Variants in DCC observed in about 807,000 individuals in gnomAD.
DCC encodes DCC netrin 1 receptor.
In DCC, 58 loss-of-function variants were observed where a neutral mutation model predicts 172.5. The observed-to-expected ratio is 0.34, with a 90% CI of 0.27 to 0.42. DCC has a LOEUF of 0.42. Among genes scored for constraint, DCC ranks in the 10% least tolerant of loss-of-function variants. The pLI, the probability that DCC is intolerant of heterozygous loss-of-function variation, is 1.00. For missense variants in DCC, 1,740 were observed against 1,791.0 expected (o/e 0.97, Z 0.51); for synonymous variants, 709 against 644.5 (o/e 1.10, Z -1.52).
chr18:52,971,136 A>T (rs766499774), intron 5 of DCC, among the ~76,000 whole-genome samples: 1 of 152,160 alleles, frequency 6.6e-6, no homozygotes. Flanking sequence ...AGGGGCAGAA[A>T]AAAAACACAG....
At chr18:52,566,202 C>T (rs2144749364) in intron 1 of DCC, among the ~76,000 whole-genome samples, 1 of 152,150 alleles carries the variant, frequency 6.6e-6, no homozygotes, top group South Asian at 2.1e-4. Flanking sequence ...AAGATGAGTC[C>T]ATGTCCTTTG....
chr18:53,026,108 C>G (rs1436836253), intron 5 of DCC, among the ~76,000 whole-genome samples: 1 of 151,900 alleles, frequency 6.6e-6, no homozygotes, highest in East Asian at 1.9e-4. Flanking sequence ...CATTTAAAAA[C>G]TGAAGTCCTC....
At chr18:53,349,669 A>G (rs1190879048) in intron 15 of DCC, among the ~76,000 whole-genome samples, 3 of 152,156 alleles carry the variant, frequency 2.0e-5, no homozygotes, top group Non-Finnish European at 4.4e-5. Context: ...GCAAATCACA[A>G]CCTACATGAC....
At chr18:52,497,427 A>ATATGTGTATATATG (rs1201756346) in intron 1 of DCC, among the ~76,000 whole-genome samples, 19 of 148,154 alleles carry the variant, frequency 1.3e-4, no homozygotes, top group South Asian at 2.2e-4. Context: ...ACACATATAC[A>ATATGTGTATATATG]CATACATATA....
At chr18:52,706,362 T>C (rs1301279590) in intron 1 of DCC, among the ~76,000 whole-genome samples, 1 of 152,200 alleles carries the variant, frequency 6.6e-6, no homozygotes, top group African/African-American at 2.4e-5. Context: ...AGACCAAGGC[T>C]TGAAAATGGT....
chr18:52,425,606 T>TA, intron 1 of DCC, among the ~76,000 whole-genome samples: 1 of 152,274 alleles, frequency 6.6e-6, no homozygotes, highest in South Asian at 2.1e-4. Flanking sequence ...CCAATATCTG[T>TA]AAAAATGCTT....
chr18:52,395,424 G>C (rs1031233709), intron 1 of DCC, among the ~76,000 whole-genome samples: 3 of 151,940 alleles, frequency 2.0e-5, no homozygotes, highest in Non-Finnish European at 4.4e-5. Context: ...GTAGTTTAGT[G>C]GGCTGTGGGC....
intron 23 of DCC, among the ~76,000 whole-genome samples, chr18:53,454,282 C>T (rs921759239): frequency 5.3e-5 from 8 of 152,172 alleles, no homozygotes; most frequent in African/African-American, 1.9e-4. Context: ...GATGTGGAAG[C>T]TGCAGTGAGC....
chr18:52,875,519 G>A (rs559522401), intron 2 of DCC, among the ~76,000 whole-genome samples: 2 of 152,252 alleles, frequency 1.3e-5, no homozygotes, highest in East Asian at 1.9e-4. Context: ...TACGTAGAAT[G>A]GTGGTCTCAA....
chr18:52,986,006 T>C (rs2041287253), intron 5 of DCC, among the ~76,000 whole-genome samples: 1 of 152,174 alleles, frequency 6.6e-6, no homozygotes. Flanking sequence ...CTTAGTTCCT[T>C]TGGCCTTTGT....
At chr18:53,292,521 C>T (rs4643406) in intron 12 of DCC, among the ~76,000 whole-genome samples, 64,536 of 151,870 alleles carry the variant, frequency 0.42, 14,494 homozygotes, top group Non-Finnish European at 0.52. Flanking sequence ...ACCCTGTCTC[C>T]ACTAAACATA....
At chr18:52,673,616 G>T (rs1409165245) in intron 1 of DCC, among the ~76,000 whole-genome samples, 1 of 152,100 alleles carries the variant, frequency 6.6e-6, no homozygotes, top group African/African-American at 2.4e-5. Flanking sequence ...TCTTGGAAAT[G>T]AGCCACTAGG....
At chr18:52,873,851 G>C (rs2039360345) in intron 2 of DCC, among the ~76,000 whole-genome samples, 1 of 152,202 alleles carries the variant, frequency 6.6e-6, no homozygotes, top group African/African-American at 2.4e-5. Context: ...CGGCTAATGA[G>C]TGATTGTCCC....
intron 2 of DCC, among the ~76,000 whole-genome samples, chr18:52,824,597 TAGA>T (rs1032085032): frequency 2.0e-5 from 3 of 152,124 alleles, no homozygotes; most frequent in South Asian, 2.1e-4. Flanking sequence ...GAAGAAAAAC[TAGA>T]AGGTTAGTCT....
At chr18:53,251,791 C>T (rs1438946169) in intron 12 of DCC, among the ~76,000 whole-genome samples, 1 of 151,778 alleles carries the variant, frequency 6.6e-6, no homozygotes, top group African/African-American at 2.4e-5. Context: ...GATGAAGCAC[C>T]ATATCCCACC....
At chr18:52,646,481 C>A (rs1462647145) in intron 1 of DCC, among the ~76,000 whole-genome samples, 1 of 152,150 alleles carries the variant, frequency 6.6e-6, no homozygotes, top group Non-Finnish European at 1.5e-5. Context: ...TTTGGTCCCA[C>A]AAGACTGCCT....
intron 2 of DCC, among the ~76,000 whole-genome samples, chr18:52,811,147 C>G (rs1048540007): frequency 6.6e-6 from 1 of 152,170 alleles, no homozygotes; most frequent in Non-Finnish European, 1.5e-5. Flanking sequence ...AACAAAATGA[C>G]CCCTTCACCA....
At chr18:52,522,829 A>G (rs2031862205) in intron 1 of DCC, among the ~76,000 whole-genome samples, 1 of 152,324 alleles carries the variant, frequency 6.6e-6, no homozygotes, top group African/African-American at 2.4e-5. Context: ...ACCTCAAGAG[A>G]GAATTGATAC....
intron 7 of DCC, among the ~76,000 whole-genome samples, chr18:53,088,649 A>G (rs1176612495): frequency 6.6e-6 from 1 of 152,220 alleles, no homozygotes; most frequent in African/African-American, 2.4e-5. Flanking sequence ...AAGGATCAAC[A>G]GAATTGATAG....
Sources: allele counts gnomAD v4.1 joint callset (sites outside exome capture counted in the v4.1 genomes callset), GRCh38; gene constraint gnomAD v4.1.1; transcripts MANE v1.5; gene names NCBI Gene and HGNC (gene_info 2026-07-23, HGNC 2026-07-21).